Variants in EHBP1 observed in about 807,000 individuals in gnomAD.
EHBP1 encodes the protein EH domain binding protein 1, also known as EH domain-binding protein 1.
A neutral mutation model predicts 144.0 loss-of-function variants in EHBP1; 55 were observed. That is an observed-to-expected ratio of 0.38 (90% CI 0.31 to 0.48). EHBP1 has a LOEUF of 0.48. Among genes scored for constraint, EHBP1 ranks in the 20% least tolerant of loss-of-function variants. The pLI, the probability that EHBP1 is intolerant of heterozygous loss-of-function variation, is 0.98. For synonymous variants in EHBP1, 469 were observed against 472.7 expected (o/e 0.99, Z 0.10); for missense variants, 1,200 against 1,364.2 (o/e 0.88, Z 1.90).
intron 7 of EHBP1, among the ~76,000 whole-genome samples, chr2:62,846,369 G>C (rs2048301587): frequency 6.6e-6 from 1 of 152,126 alleles, no homozygotes; most frequent in Non-Finnish European, 1.5e-5. Flanking sequence ...GGAATTCAAG[G>C]TTAGTTTAAC....
intron 7 of EHBP1, among the ~76,000 whole-genome samples, chr2:62,846,115 T>G (rs1001051969): frequency 6.6e-6 from 1 of 152,218 alleles, no homozygotes; most frequent in Non-Finnish European, 1.5e-5. Context: ...TTCAGCTTGC[T>G]TTCTCTGTCA....
intron 2 of EHBP1, among the ~76,000 whole-genome samples, chr2:62,743,009 G>C (rs2038857588): frequency 6.6e-6 from 1 of 151,964 alleles, no homozygotes; most frequent in African/African-American, 2.4e-5. Flanking sequence ...ATACAGAAAA[G>C]CATAATGACA....
rs1343638190 is a variant in EHBP1, at chr2:62,955,677, A to G, written c.2460+17A>G. 9 of 1,593,696 alleles carry G rather than the reference A, an allele frequency of 5.6e-6. No individual in the cohort carries two copies. The Admixed American group carries it at 1.4e-4, about 25-fold the overall frequency. On this transcript the variant is annotated intron_variant, in intron 14 of 22. Coordinates refer to ENST00000431489, the MANE Select transcript of EHBP1 (RefSeq NM_001142616.3). ...CTAAGTGATGTGAGGAGCATTGGTTAAAAAAGACCATAAGTTGTTCATTGT... is the reference window on the plus strand; with the variant it reads ...CTAAGTGATGTGAGGAGCATTGGTTGAAAAAGACCATAAGTTGTTCATTGT...
intron 9 of EHBP1, among the ~76,000 whole-genome samples, chr2:62,867,556 A>C (rs538364179): frequency 6.6e-6 from 1 of 152,314 alleles, no homozygotes; most frequent in East Asian, 1.9e-4. Context: ...AAACAACAGA[A>C]CGTTGCTGAG....
intron 13 of EHBP1, 36 bp downstream of exon 13, chr2:62,949,198 A>G (rs1203424521): frequency 6.8e-7 from 1 of 1,466,784 alleles, no homozygotes; most frequent in African/African-American, 1.4e-5. Context: ...TATATTTAGT[A>G]ATTAGTTATT....
At position 62,797,448 on chromosome 2, in the gene EHBP1, C is replaced by A. The variant is rs552651525; in HGVS notation, c.312+26056C>A. ...AATAACCCTTGCTAGATAATGTTCTCCAAGTAAAAGTCTATTTAAGGCTTT... is the reference window on the plus strand; with the variant it reads ...AATAACCCTTGCTAGATAATGTTCTACAAGTAAAAGTCTATTTAAGGCTTT... On this transcript the variant is annotated intron_variant, in intron 5 of 22. Transcript: ENST00000431489. Among the ~76,000 whole-genome samples, 552 of 152,298 alleles carry A rather than the reference C, an allele frequency of 3.6e-3. 1 individual carries two copies. Among genetic ancestry groups the A allele is most frequent in the Non-Finnish European group, 4.8e-3 (325 of 68,020 alleles).
intron 3 of EHBP1, among the ~76,000 whole-genome samples, chr2:62,763,230 T>TC (rs2040901591): frequency 6.6e-6 from 1 of 152,206 alleles, no homozygotes; most frequent in Admixed American, 6.6e-5. Flanking sequence ...TACTTTTTTT[T>TC]CACTACAGCA....
intron 14 of EHBP1, among the ~76,000 whole-genome samples, chr2:62,965,220 G>T (rs1387149496): frequency 1.3e-5 from 2 of 152,100 alleles, no homozygotes; most frequent in African/African-American, 4.8e-5. Flanking sequence ...CTAAAAGGGG[G>T]TTAAACTGCA....
intron 5 of EHBP1, among the ~76,000 whole-genome samples, chr2:62,790,665 A>C (rs1440524509): frequency 6.6e-6 from 1 of 152,152 alleles, no homozygotes; most frequent in Non-Finnish European, 1.5e-5. Flanking sequence ...ACAGAACTCC[A>C]TTTGAAAAGT....
intron 2 of EHBP1, among the ~76,000 whole-genome samples, chr2:62,729,048 G>T (rs1219468890): frequency 6.6e-6 from 1 of 151,408 alleles, no homozygotes; most frequent in South Asian, 2.1e-4. Context: ...TTGCATGAAC[G>T]TGCAGATATA....
At chr2:62,844,919 A>T (rs542292615) in intron 7 of EHBP1, among the ~76,000 whole-genome samples, 1 of 152,266 alleles carries the variant, frequency 6.6e-6, no homozygotes, top group South Asian at 2.1e-4. Flanking sequence ...TAGGAAACAC[A>T]GTATGCCAGC....
intron 2 of EHBP1, among the ~76,000 whole-genome samples, chr2:62,746,398 A>T (rs572543221): frequency 6.6e-6 from 1 of 151,990 alleles, no homozygotes; most frequent in African/African-American, 2.4e-5. Context: ...GTATATATAT[A>T]TATGTATTTA....
intron 20 of EHBP1, among the ~76,000 whole-genome samples, chr2:63,038,004 G>A (rs1350528739): frequency 3.3e-5 from 5 of 151,942 alleles, no homozygotes; most frequent in Non-Finnish European, 7.4e-5. Flanking sequence ...TCTTAATAAG[G>A]ACAAAAGTAC....
intron 5 of EHBP1, among the ~76,000 whole-genome samples, chr2:62,814,001 C>T (rs1002869923): frequency 5.3e-5 from 8 of 152,016 alleles, no homozygotes; most frequent in East Asian, 1.9e-4. Context: ...GTGCTGGAAC[C>T]GGTTAAGACT....
intron 6 of EHBP1, among the ~76,000 whole-genome samples, chr2:62,826,959 G>C (rs1291108056): frequency 6.6e-6 from 1 of 152,166 alleles, no homozygotes; most frequent in Non-Finnish European, 1.5e-5. Flanking sequence ...GTTGTGAAAG[G>C]GTTCGTACCT....
At chr2:62,848,303 G>A (rs1416783878) in intron 7 of EHBP1, among the ~76,000 whole-genome samples, 7 of 151,746 alleles carry the variant, frequency 4.6e-5, no homozygotes, top group African/African-American at 1.7e-4. Context: ...GTCTGGCCTC[G>A]AACTCCTGAT....
intron 10 of EHBP1, among the ~76,000 whole-genome samples, chr2:62,909,199 G>C (rs2054015723): frequency 6.6e-6 from 1 of 152,070 alleles, no homozygotes; most frequent in Non-Finnish European, 1.5e-5. Flanking sequence ...CCCACCCCGA[G>C]ACAAGGTCTC....
chr2:62,820,226 A>G (rs1447040426), intron 5 of EHBP1, among the ~76,000 whole-genome samples: 1 of 110,582 alleles, frequency 9.0e-6, no homozygotes, highest in Non-Finnish European at 2.2e-5. Flanking sequence ...AAAAAAAAAG[A>G]AAAAAAAAAA....
chr2:62,719,192 C>T (rs1045556577), intron 2 of EHBP1, among the ~76,000 whole-genome samples: 1 of 151,978 alleles, frequency 6.6e-6, no homozygotes, highest in Non-Finnish European at 1.5e-5. Context: ...GTCTTGAACA[C>T]GGGTCTGAAG....
Sources: gnomAD v4.1 joint callset for allele counts (sites outside exome capture counted in the v4.1 genomes callset) on GRCh38, gnomAD v4.1.1 for gene constraint, MANE v1.5 for transcripts, NCBI Gene and HGNC (gene_info 2026-07-23, HGNC 2026-07-21) for gene names.